Variants in RAB3C observed in about 807,000 individuals in gnomAD.
RAB3C encodes RAB3C, member RAS oncogene family.
RAB3C carries 17 observed loss-of-function variants against 26.4 expected under a neutral mutation model. The ratio of observed to expected loss-of-function variants is 0.64; its 90% CI spans 0.44 to 0.97. RAB3C has a LOEUF of 0.97. RAB3C is among the 50% of genes least tolerant of loss of function. The probability of loss-of-function intolerance (pLI) is 0.00; values close to 1 mark genes in which losing one functional copy is unlikely to be tolerated. For synonymous variants in RAB3C, 91 were observed against 95.9 expected (o/e 0.95, Z 0.30); for missense variants, 242 against 281.9 (o/e 0.86, Z 1.01).
chr5:58,812,268 A>C (rs541246210), intron 3 of RAB3C, among the ~76,000 whole-genome samples: 11 of 152,192 alleles, frequency 7.2e-5, no homozygotes, highest in Admixed American at 3.9e-4. Flanking sequence ...GAGTTGTATA[A>C]GCCTTCACTC....
intron 3 of RAB3C, among the ~76,000 whole-genome samples, chr5:58,794,924 G>C (rs1318045854): frequency 1.3e-5 from 2 of 152,230 alleles, no homozygotes; most frequent in African/African-American, 4.8e-5. Flanking sequence ...ACAAGCACCA[G>C]GTGAACCTGA....
upstream of RAB3C, chr5:58,582,491 T>A: frequency 1.2e-6 from 1 of 841,122 alleles, no homozygotes; most frequent in Non-Finnish European, 1.4e-6. Flanking sequence ...GCGGGTTGTG[T>A]GTGTGACTAT....
rs911979372 is a variant in RAB3C, at chr5:58,855,752, T to G, written c.*4401T>G. 2.6e-5 allele frequency: 4 copies of G among 152,190 alleles called. No individual in the cohort carries two copies. Among genetic ancestry groups the G allele is most frequent in the African/African-American group, 9.7e-5 (4 of 41,442 alleles). The allele number at this position is 152,190 out of a possible 1,614,324, so 9.4% of individuals were successfully genotyped here. ...TATCATGGAATTTACTGGGCCAAAT[T>G]AAGTAAAAGATGAAGTTTATGACCA... On this transcript the variant is annotated 3_prime_UTR_variant, in exon 5 of 5. Coordinates refer to ENST00000282878, the MANE Select transcript of RAB3C (RefSeq NM_138453.4).
intron 3 of RAB3C, among the ~76,000 whole-genome samples, chr5:58,775,290 C>A (rs940891553): frequency 3.3e-5 from 5 of 152,106 alleles, no homozygotes; most frequent in African/African-American, 1.2e-4. Context: ...TACCAAATGT[C>A]AAACCCAGGG....
At chr5:58,642,877 G>A (rs1747437706) in intron 2 of RAB3C, among the ~76,000 whole-genome samples, 1 of 152,214 alleles carries the variant, frequency 6.6e-6, no homozygotes, top group Admixed American at 6.5e-5. Flanking sequence ...CATTTCAGTA[G>A]TGGTGGTGTA....
chr5:58,687,733 A>G (rs1305641006), intron 2 of RAB3C, among the ~76,000 whole-genome samples: 2 of 152,164 alleles, frequency 1.3e-5, no homozygotes, highest in African/African-American at 2.4e-5. Context: ...TAATCTAAAC[A>G]TTAGTGCAGT....
rs371240637 is a variant in RAB3C at position 58,758,098 on chromosome 5, C to T, written c.371+31978C>T. On this transcript the variant is annotated intron_variant, in intron 3 of 4. Transcript: ENST00000282878. The stretch of plus-strand genomic sequence containing the variant: ...CTGGGACTACAGGTGCCCACCACCA[C>T]GCCCGGCTAATTTTTTGTATTTTTT... Among the ~76,000 whole-genome samples, 111 of 152,204 alleles carry T rather than the reference C, an allele frequency of 7.3e-4. 3 individuals are homozygous for T. The South Asian group carries it at 0.018, about 25-fold the overall frequency.
intron 2 of RAB3C, among the ~76,000 whole-genome samples, chr5:58,711,056 G>T (rs1749049569): frequency 6.6e-6 from 1 of 152,180 alleles, no homozygotes; most frequent in Non-Finnish European, 1.5e-5. Flanking sequence ...AAAGAAATCA[G>T]CAAGCATAAT....
intron 3 of RAB3C, among the ~76,000 whole-genome samples, chr5:58,740,888 C>G (rs954510953): frequency 2.6e-5 from 4 of 152,020 alleles, no homozygotes; most frequent in Admixed American, 6.6e-5. Flanking sequence ...TAACTAAACT[C>G]AAGGTTAAGG....
rs552648777 is a variant in RAB3C, at chr5:58,724,482, T to C, written c.253-1520T>C. Among the ~76,000 whole-genome samples, 3 of 151,788 alleles carry C rather than the reference T, an allele frequency of 2.0e-5. No individual in the cohort carries two copies. The South Asian group carries it at 6.2e-4, about 32-fold the overall frequency. On this transcript the variant is annotated intron_variant, in intron 2 of 4. Transcript: ENST00000282878. ...GCAGGGACCTTTTTATAAACTTCCT[T>C]TTTTCCCCCCACAGTGGCTTGTACT... is the stretch of plus-strand genomic sequence containing the variant.
chr5:58,764,501 T>G (rs2111980246), intron 3 of RAB3C, among the ~76,000 whole-genome samples: 1 of 152,294 alleles, frequency 6.6e-6, no homozygotes, highest in African/African-American at 2.4e-5. Flanking sequence ...TGAGAGACAC[T>G]TCACTGCCAG....
intron 2 of RAB3C, among the ~76,000 whole-genome samples, chr5:58,635,836 T>A (rs533956589): frequency 6.6e-6 from 1 of 152,268 alleles, no homozygotes; most frequent in Admixed American, 6.5e-5. Context: ...GTTCACTAGA[T>A]GGTGGACAAC....
At chr5:58,772,572 C>A (rs1742051705) in intron 3 of RAB3C, among the ~76,000 whole-genome samples, 1 of 152,152 alleles carries the variant, frequency 6.6e-6, no homozygotes, top group East Asian at 1.9e-4. Context: ...TTGAATAAAT[C>A]TTTTCATTGT....
chr5:58,755,995 A>G (rs1741647607), intron 3 of RAB3C, among the ~76,000 whole-genome samples: 2 of 152,194 alleles, frequency 1.3e-5, no homozygotes, highest in South Asian at 2.1e-4. Flanking sequence ...ACATTTGCAC[A>G]CTTTTTAAAA....
intron 3 of RAB3C, among the ~76,000 whole-genome samples, chr5:58,766,740 C>A (rs939703328): frequency 3.3e-5 from 5 of 152,082 alleles, no homozygotes. Flanking sequence ...AAGGTTTAAT[C>A]GGAGCCTTCG....
chr5:58,784,443 C>T (rs1057217895), intron 3 of RAB3C, among the ~76,000 whole-genome samples: 2 of 152,100 alleles, frequency 1.3e-5, no homozygotes, highest in Non-Finnish European at 2.9e-5. Context: ...GAAAGATCCA[C>T]GCCCATGGAT....
intron 2 of RAB3C, among the ~76,000 whole-genome samples, chr5:58,689,055 C>T (rs1379565510): frequency 1.3e-5 from 2 of 152,072 alleles, no homozygotes; most frequent in East Asian, 3.9e-4. Flanking sequence ...CACAGAAGCT[C>T]TATGAAGTTG....
chr5:58,724,765 C>G (rs894901201), intron 2 of RAB3C, among the ~76,000 whole-genome samples: 1 of 151,326 alleles, frequency 6.6e-6, no homozygotes, highest in Non-Finnish European at 1.5e-5. Context: ...GAGGTAGCAA[C>G]TTATCCTAGA....
At chr5:58,657,231 G>T (rs1352090333) in intron 2 of RAB3C, among the ~76,000 whole-genome samples, 1 of 151,980 alleles carries the variant, frequency 6.6e-6, no homozygotes, top group African/African-American at 2.4e-5. Flanking sequence ...TGAGGACTTT[G>T]GGGGGAAGAA....
Sources: gnomAD v4.1 joint callset for allele counts (sites outside exome capture counted in the v4.1 genomes callset) on GRCh38, gnomAD v4.1.1 for gene constraint, MANE v1.5 for transcripts, NCBI Gene and HGNC (gene_info 2026-07-23, HGNC 2026-07-21) for gene names.